The following STK33 variants were observed in gnomAD, a reference collection of about 807,000 sequenced individuals.
STK33 encodes the protein serine/threonine-protein kinase 33.
A neutral mutation model predicts 58.0 loss-of-function variants in STK33; 52 were observed. That is an observed-to-expected ratio of 0.90 (90% CI 0.72 to 1.13). STK33 has a LOEUF of 1.13. Among genes scored for constraint, STK33 ranks in the 50% most tolerant of loss-of-function variants. The pLI is 0.00. For missense variants in STK33, 630 were observed against 604.2 expected, an observed-to-expected ratio of 1.04 and a Z score of -0.45; for synonymous variants, 215 against 200.1, an observed-to-expected ratio of 1.07 and a Z score of -0.63.
At chr11:8,489,272 G>GAAAAAA (rs60919146) in intron 1 of STK33, among the ~76,000 whole-genome samples, 1 of 126,586 alleles carries the variant, frequency 7.9e-6, no homozygotes. Flanking sequence ...AAAAAAAAAA[G>GAAAAAA]AAAAAAAAAA....
At chr11:8,494,702 A>G (rs1013146724) in intron 1 of STK33, among the ~76,000 whole-genome samples, 2 of 152,218 alleles carry the variant, frequency 1.3e-5, no homozygotes, top group African/African-American at 4.8e-5. Flanking sequence ...ACTATATACA[A>G]GGCTACAGTA....
At chr11:8,518,122 A>G (rs1230274914) in intron 1 of STK33, among the ~76,000 whole-genome samples, 1 of 152,242 alleles carries the variant, frequency 6.6e-6, no homozygotes, top group Non-Finnish European at 1.5e-5. Flanking sequence ...AGGGAAGCCC[A>G]TCAGACTAAC....
At chr11:8,451,705 A>G (rs925086323) in intron 11 of STK33, among the ~76,000 whole-genome samples, 9 of 152,204 alleles carry the variant, frequency 5.9e-5, no homozygotes, top group African/African-American at 2.2e-4. Flanking sequence ...TGGATGTATG[A>G]AAAATCATTG....
downstream of STK33, among the ~76,000 whole-genome samples, chr11:8,389,998 C>T (rs1848596029): frequency 6.6e-6 from 1 of 152,198 alleles, no homozygotes; most frequent in African/African-American, 2.4e-5. Context: ...GTGCTTCCCT[C>T]CTCTCGCTCC....
intron 15 of STK33, among the ~76,000 whole-genome samples, chr11:8,395,871 G>T (rs1395064408): frequency 2.6e-5 from 4 of 152,136 alleles, no homozygotes; most frequent in East Asian, 3.8e-4. Flanking sequence ...ATATCATCAT[G>T]TTGCCTTCCA....
chr11:8,522,441 A>G (rs934341693), intron 1 of STK33, among the ~76,000 whole-genome samples: 1 of 151,204 alleles, frequency 6.6e-6, no homozygotes, highest in Non-Finnish European at 1.5e-5. Flanking sequence ...AGTTGGACAC[A>G]GGGTGGGGAA....
intron 1 of STK33, among the ~76,000 whole-genome samples, chr11:8,589,723 A>G (rs1482550040): frequency 6.6e-6 from 1 of 152,226 alleles, no homozygotes; most frequent in Non-Finnish European, 1.5e-5. Flanking sequence ...TGTACCATCA[A>G]AGAGATATGA....
intron 1 of STK33, among the ~76,000 whole-genome samples, chr11:8,537,383 C>T (rs929485669): frequency 6.6e-6 from 1 of 152,070 alleles, no homozygotes; most frequent in Non-Finnish European, 1.5e-5. Context: ...AACCACCATG[C>T]CTGGCCCCCG....
At chr11:8,360,862 C>T in the STK33 span, among the ~76,000 whole-genome samples, 1 of 152,228 alleles carries the variant, frequency 6.6e-6, no homozygotes, top group Non-Finnish European at 1.5e-5. Context: ...AGGGAACATG[C>T]TCTGCTTTTA....
At chr11:8,429,802 A>C (rs1264446722) in intron 14 of STK33, among the ~76,000 whole-genome samples, 1 of 151,914 alleles carries the variant, frequency 6.6e-6, no homozygotes, top group African/African-American at 2.4e-5. Flanking sequence ...CTCTTGGTTC[A>C]CCTCCTCGTT....
intron 14 of STK33, among the ~76,000 whole-genome samples, chr11:8,435,113 A>G (rs1373357887): frequency 2.0e-5 from 3 of 152,194 alleles, no homozygotes; most frequent in Non-Finnish European, 4.4e-5. Flanking sequence ...CTGAGTCCCC[A>G]AAGATTTTCT....
intron 14 of STK33, among the ~76,000 whole-genome samples, chr11:8,419,858 G>A (rs576077406): frequency 1.6e-4 from 25 of 152,280 alleles, no homozygotes; most frequent in African/African-American, 6.0e-4. Flanking sequence ...AAGACTTAAT[G>A]ATGGTTATCT....
intron 1 of STK33, 141 bp from the exon 2 acceptor site, chr11:8,480,755 T>C (rs527849326): frequency 6.6e-6 from 1 of 152,200 alleles, no homozygotes; most frequent in South Asian, 2.1e-4. Context: ...GACAAAAAAT[T>C]CAATAGATTC....
chr11:8,414,580 T>A (rs1940837574), intron 14 of STK33, among the ~76,000 whole-genome samples: 1 of 152,162 alleles, frequency 6.6e-6, no homozygotes. Flanking sequence ...CAGGGTACTT[T>A]AGGGGTACCC....
the STK33 span, among the ~76,000 whole-genome samples, chr11:8,354,156 G>A: frequency 5.1e-4 from 77 of 152,126 alleles, no homozygotes; most frequent in Non-Finnish European, 9.7e-4. Flanking sequence ...GTTACCCACC[G>A]TGTCTCCTCC....
intron 6 of STK33, among the ~76,000 whole-genome samples, chr11:8,468,008 C>G (rs550396635): frequency 6.6e-6 from 1 of 151,872 alleles, no homozygotes; most frequent in African/African-American, 2.4e-5. Flanking sequence ...CTTCTGGTAC[C>G]AATTTACTGT....
At chr11:8,355,415 G>C in the STK33 span, among the ~76,000 whole-genome samples, 1 of 152,224 alleles carries the variant, frequency 6.6e-6, no homozygotes, top group South Asian at 2.1e-4. Context: ...TACGGTACTG[G>C]ACGGCTCTAG....
intron 1 of STK33, among the ~76,000 whole-genome samples, chr11:8,581,867 T>A (rs921177021): frequency 1.3e-5 from 2 of 152,210 alleles, no homozygotes; most frequent in African/African-American, 2.4e-5. Flanking sequence ...TAGTACTTCT[T>A]CAGGAAGATG....
intron 1 of STK33, among the ~76,000 whole-genome samples, chr11:8,520,157 G>A (rs1220254200): frequency 2.0e-5 from 3 of 152,178 alleles, no homozygotes; most frequent in Non-Finnish European, 2.9e-5. Flanking sequence ...GATCAAGTCA[G>A]CTTCATCCCT....
Sources: gnomAD v4.1 joint callset for allele counts (sites outside exome capture counted in the v4.1 genomes callset) on GRCh38, gnomAD v4.1.1 for gene constraint, MANE v1.5 for transcripts, NCBI Gene and HGNC (gene_info 2026-07-23, HGNC 2026-07-21) for gene names.